HECW1: variants seen among roughly 807,000 people sequenced by gnomAD.
The protein encoded by HECW1 is E3 ubiquitin-protein ligase HECW1.
A neutral mutation model predicts 182.3 loss-of-function variants in HECW1; 61 were observed. The observed-to-expected ratio is 0.33, with a 90% CI of 0.27 to 0.41. The LOEUF is 0.41. HECW1 is among the 10% of genes least tolerant of loss of function. The pLI, the probability that HECW1 is intolerant of heterozygous loss-of-function variation, is 1.00. For synonymous variants in HECW1, 859 were observed against 832.6 expected, an observed-to-expected ratio of 1.03 and a Z score of -0.55; for missense variants, 1,739 against 2,108.9, an observed-to-expected ratio of 0.82 and a Z score of 3.44.
Position 43,343,426 on chromosome 7 carries a change from C to A in HECW1, c.461-17460C>A, listed in dbSNP as rs543188863. Among the ~76,000 whole-genome samples, 2 of 151,796 alleles carry A rather than the reference C, an allele frequency of 1.3e-5. 1 individual carries two copies. Among genetic ancestry groups the A allele is most frequent in the East Asian group, 3.9e-4 (2 of 5,188 alleles). On this transcript the variant is annotated intron_variant, in intron 5 of 29. Coordinates refer to ENST00000395891, the MANE Select transcript of HECW1 (RefSeq NM_015052.5). ...TAATGCTATCCCTCACCCTGCCCCC[C>A]AACCCTATGACAGACGTGTGTGATA...
chr7:43,282,842 G>GT (rs1584317437), intron 3 of HECW1, among the ~76,000 whole-genome samples: 3 of 152,118 alleles, frequency 2.0e-5, no homozygotes, highest in East Asian at 3.9e-4. Context: ...TGTTGGCTGG[G>GT]TGCGGTGGCT....
At chr7:43,281,713 C>CTTTTTTTTTTTTT (rs55860415) in intron 3 of HECW1, among the ~76,000 whole-genome samples, 1 of 77,348 alleles carries the variant, frequency 1.3e-5, no homozygotes, top group African/African-American at 5.0e-5. Flanking sequence ...TCTTTGCTTT[C>CTTTTTTTTTTTTT]TTTTTTTTTT....
chr7:43,170,398 G>T lies in HECW1; in HGVS notation c.-32+56007G>T, dbSNP rs141693617. 1.0e-3 allele frequency among the ~76,000 whole-genome samples: 157 copies of T among 152,216 alleles called. 1 individual carries two copies. Among genetic ancestry groups the T allele is most frequent in the African/African-American group, 3.6e-3 (151 of 41,542 alleles). ...GGAAAAATTGTTTTCCACGAAACAG[G>T]TCCGTGGTCCCAAAAAGGTTGGAGA... On this transcript the variant is annotated intron_variant, in intron 2 of 29. Transcript: ENST00000395891.
chr7:43,165,140 G>A (rs1339134498), intron 2 of HECW1, among the ~76,000 whole-genome samples: 1 of 152,058 alleles, frequency 6.6e-6, no homozygotes, highest in Non-Finnish European at 1.5e-5. Flanking sequence ...TAAAATAATG[G>A]AAATAAAAGG....
At chr7:43,120,763 C>A (rs1319646720) in intron 2 of HECW1, among the ~76,000 whole-genome samples, 1 of 152,142 alleles carries the variant, frequency 6.6e-6, no homozygotes, top group African/African-American at 2.4e-5. Flanking sequence ...TCTGCCTCAG[C>A]CTCCTGAGTA....
At chr7:43,341,704 A>G (rs915262634) in intron 5 of HECW1, among the ~76,000 whole-genome samples, 14 of 151,812 alleles carry the variant, frequency 9.2e-5, no homozygotes, top group Non-Finnish European at 1.8e-4. Context: ...ATTTAATTTT[A>G]GTTTAGTTTT....
chr7:43,134,969 G>A (rs544790699), intron 2 of HECW1, among the ~76,000 whole-genome samples: 10 of 152,210 alleles, frequency 6.6e-5, no homozygotes, highest in South Asian at 2.1e-4. Context: ...TTTTGCTCTC[G>A]TTGACTTTAC....
At chr7:43,446,511 C>A (rs2077060379) in intron 11 of HECW1, among the ~76,000 whole-genome samples, 1 of 152,158 alleles carries the variant, frequency 6.6e-6, no homozygotes, top group Admixed American at 6.5e-5. Context: ...TTGAAATTAG[C>A]CTCCAACAAA....
chr7:43,312,006 G>A lies in HECW1; in HGVS notation c.271G>A (p.Gly91Arg), dbSNP rs1355391058. Residue 91 changes from glycine to arginine, a missense_variant, in exon 4 of 30, where the codon GGG becomes AGG. Physicochemically the swap from Gly to Arg is moderately radical, Grantham distance 125 (BLOSUM62 -2). Coordinates refer to ENST00000395891, the MANE Select transcript of HECW1 (RefSeq NM_015052.5). The stretch of plus-strand genomic sequence containing the variant: ...GGTCAGCAGCTCCTACTATTCCATC[G>A]GGCACTCTCAGGACCTGGTCATCCA... ...LMVSSSYYSI[G>R]HSQDLVIHWD... 2 of 1,614,116 alleles carry A rather than the reference G, an allele frequency of 1.2e-6. No individual in the cohort carries two copies. Among genetic ancestry groups the A allele is most frequent in the Non-Finnish European group, 1.7e-6 (2 of 1,179,970 alleles).
chr7:43,416,254 A>T (rs1462917510), intron 8 of HECW1, among the ~76,000 whole-genome samples: 2 of 150,590 alleles, frequency 1.3e-5, no homozygotes, highest in Non-Finnish European at 2.9e-5. Flanking sequence ...AACAGACAGC[A>T]CCCTCAGCTG....
At chr7:43,338,405 C>A (rs1174336677) in intron 5 of HECW1, among the ~76,000 whole-genome samples, 1 of 152,090 alleles carries the variant, frequency 6.6e-6, no homozygotes. Context: ...TTTTGATTTT[C>A]TTGATCCTCT....
rs2304328 is a variant in HECW1 at position 43,466,559 on chromosome 7, T to G, written c.2904T>G (p.His968Gln). The G allele has an allele frequency of 6.2e-7, 1 of 1,613,118 alleles. No individual in the cohort carries two copies. The change falls in exon 15 of 30, where the codon CAT becomes CAG. Residue 968 changes from histidine to glutamine, a missense_variant. Around this residue, in one of 5 missense-constraint regions of HECW1, gnomAD observed 971 missense variants for 1,029.1 expected, o/e 0.94. Transcript: ENST00000395891. ...ITNPEFFTVL[H>Q]ANYSAYRVFT... ...ACCCCGAGTTCTTCACTGTGCTACA[T>G]GCCAATTATGTGAGTGCCCTAAAAT... is the stretch of plus-strand genomic sequence containing the variant.
intron 6 of HECW1, among the ~76,000 whole-genome samples, chr7:43,371,772 A>T (rs1425938643): frequency 6.6e-6 from 1 of 152,214 alleles, no homozygotes; most frequent in Non-Finnish European, 1.5e-5. Flanking sequence ...GCAGGGGAGC[A>T]GATTGTGATT....
At chr7:43,123,265 T>C (rs1785829601) in intron 2 of HECW1, among the ~76,000 whole-genome samples, 1 of 152,238 alleles carries the variant, frequency 6.6e-6, no homozygotes, top group Non-Finnish European at 1.5e-5. Context: ...GAGGAGCTAC[T>C]CACAGTTCGG....
At chr7:43,551,261 A>G (rs17803447) in intron 27 of HECW1, among the ~76,000 whole-genome samples, 24,221 of 152,184 alleles carry the variant, frequency 0.16, 2,531 homozygotes, top group Non-Finnish European at 0.24. Flanking sequence ...CACAAGATGC[A>G]AAGTCAGAAT....
At chr7:43,325,151 T>C (rs1316066920) in intron 5 of HECW1, among the ~76,000 whole-genome samples, 3 of 152,220 alleles carry the variant, frequency 2.0e-5, no homozygotes, top group Non-Finnish European at 4.4e-5. Flanking sequence ...ATAATTTTTC[T>C]CCAGTGGGCA....
chr7:43,248,684 CTCCTCCTCCTTT>C (rs1799684666), intron 3 of HECW1: 2 of 136,582 alleles, frequency 1.5e-5, no homozygotes, highest in Admixed American at 1.6e-4. Context: ...CCTCCTCCTC[CTCCTCCTCCTTT>C]TCCTCCTCCT....
chr7:43,296,189 C>T (rs1456364109), intron 3 of HECW1, among the ~76,000 whole-genome samples: 1 of 152,088 alleles, frequency 6.6e-6, no homozygotes, highest in Non-Finnish European at 1.5e-5. Flanking sequence ...AATGTGTGGT[C>T]CCAACTATCT....
intron 1 of HECW1, 59 bp from the exon 2 acceptor site, chr7:43,114,098 C>A: frequency 2.0e-6 from 1 of 512,142 alleles, no homozygotes; most frequent in Non-Finnish European, 3.3e-6. Flanking sequence ...GTGCTTACTT[C>A]TCTTGGAATC....
Sources: gnomAD v4.1 joint callset for allele counts (sites outside exome capture counted in the v4.1 genomes callset) on GRCh38, gnomAD v4.1.1 for gene constraint, gnomAD v4.1.1 regional missense constraint, MANE v1.5 for transcripts, NCBI Gene and HGNC (gene_info 2026-07-23, HGNC 2026-07-21) for gene names.